CFAP20DC: variants seen among roughly 807,000 people sequenced by gnomAD.
CFAP20DC encodes the protein CFAP20 domain containing, also known as protein CFAP20DC.
In CFAP20DC, 84 loss-of-function variants were observed where a neutral mutation model predicts 101.7. That is an observed-to-expected ratio of 0.83 (90% CI 0.69 to 0.99). The LOEUF (loss-of-function observed/expected upper bound fraction) is 0.99. Among genes scored for constraint, CFAP20DC ranks in the 50% least tolerant of loss-of-function variants. The probability of loss-of-function intolerance (pLI) is 0.00; values close to 1 mark genes in which losing one functional copy is unlikely to be tolerated. For synonymous variants in CFAP20DC, 359 were observed against 351.2 expected (o/e 1.02, Z -0.25); for missense variants, 1,007 against 970.3 (o/e 1.04, Z -0.50).
At chr3:58,944,118 G>A (rs55791224) in intron 4 of CFAP20DC, among the ~76,000 whole-genome samples, 10,808 of 152,120 alleles carry the variant, frequency 0.071, 556 homozygotes, top group Non-Finnish European at 0.098. Context: ...TGAAAGTGAC[G>A]GGGAGAATGG....
intron 4 of CFAP20DC, among the ~76,000 whole-genome samples, chr3:59,026,777 A>G (rs933694851): frequency 3.9e-5 from 6 of 152,188 alleles, no homozygotes; most frequent in African/African-American, 1.4e-4. Context: ...AGACTCTGAA[A>G]CTTCTATTAG....
Position 58,893,043 on chromosome 3 carries a change from A to ATT in CFAP20DC, c.551-8336_551-8335dup, listed in dbSNP as rs1184405114. On this transcript the variant is annotated intron_variant, in intron 6 of 16. Transcript: ENST00000482387. ...TTATTGAGAGTTTTTAACATGAAGGATTTTTTTTTTTTTTTTTTGAGATGG... is the reference window on the plus strand; with the variant it reads ...TTATTGAGAGTTTTTAACATGAAGGATTTTTTTTTTTTTTTTTTTTGAGATGG... 7.7e-3 allele frequency among the ~76,000 whole-genome samples: 1,014 copies of ATT among 132,446 alleles called. 10 individuals carry two copies. The highest frequency in any genetic ancestry group is 0.013 in the Non-Finnish European group (789 of 61,126). The allele number at this position is 132,446 out of a possible 152,430, so 86.9% of individuals were successfully genotyped here.
At chr3:58,750,542 A>G (rs1166955670) in intron 16 of CFAP20DC, among the ~76,000 whole-genome samples, 1 of 152,218 alleles carries the variant, frequency 6.6e-6, no homozygotes, top group Non-Finnish European at 1.5e-5. Flanking sequence ...TTCCCTGTGA[A>G]TGAGCCCTCA....
chr3:58,769,676 G>T (rs1032402441), intron 15 of CFAP20DC, among the ~76,000 whole-genome samples: 3 of 152,094 alleles, frequency 2.0e-5, no homozygotes, highest in Non-Finnish European at 2.9e-5. Context: ...AATTACGCTT[G>T]CCAGACATGT....
In CFAP20DC at chr3:58,795,116, T is replaced by A. The variant is rs2073142587; in HGVS notation, c.2237+11279A>T. On this transcript the variant is annotated intron_variant, in intron 15 of 16. Transcript: ENST00000482387. This position sits in a 1 kb window ranked among gnomAD's most constrained non-coding sequence, Gnocchi z 4.2. ...TGGAGGTGATTGTTATAAACTAGAA[T>A]TAGTACTTCTATTTTTTTAAAGGTT... 6.6e-6 allele frequency among the ~76,000 whole-genome samples: 1 copy of A among 152,182 alleles called. No homozygotes were observed. Among genetic ancestry groups the A allele is most frequent in the Non-Finnish European group, 1.5e-5 (1 of 68,016 alleles).
intron 15 of CFAP20DC, among the ~76,000 whole-genome samples, chr3:58,790,839 T>C (rs1222197692): frequency 2.0e-5 from 3 of 152,082 alleles, no homozygotes; most frequent in Admixed American, 6.6e-5. Flanking sequence ...GGACCAGGAA[T>C]GGCAAAATGG....
chr3:58,807,757 A>C (rs901113594), intron 14 of CFAP20DC, among the ~76,000 whole-genome samples: 1 of 152,246 alleles, frequency 6.6e-6, no homozygotes, highest in African/African-American at 2.4e-5. Context: ...CAGATGATCA[A>C]ACTACTCCGA....
chr3:58,813,656 G>C (rs774873457), intron 14 of CFAP20DC, among the ~76,000 whole-genome samples: 2 of 151,904 alleles, frequency 1.3e-5, no homozygotes, highest in Non-Finnish European at 2.9e-5. Context: ...GAATTCTTCA[G>C]AGTAAACTGT....
At position 58,831,877 on chromosome 3, in the gene CFAP20DC, G is replaced by A. The variant is rs747427907; in HGVS notation, c.1984C>T (p.Arg662Ter). 1.3e-5 allele frequency: 21 copies of A among 1,613,664 alleles called. No homozygotes were observed. The highest frequency in any genetic ancestry group is 2.7e-5 in the African/African-American group (2 of 74,874). ...CTCATCTGGCTTGGCTGATAGTTTCGCCAGTCATATTCCTGACCAAGAGAG... is the reference window on the plus strand; with the variant it reads ...CTCATCTGGCTTGGCTGATAGTTTCACCAGTCATATTCCTGACCAAGAGAG... ...SIPEASEYDWRNYQPSQMSES... is the reference protein window; with the variant it reads ...SIPEASEYDW Residue 662 changes from arginine (R) to a stop codon, truncating the protein, a stop_gained, in exon 14 of 17, where the codon CGA (arginine) becomes TGA (stop). Coordinates refer to ENST00000482387, the MANE Select transcript of CFAP20DC (RefSeq NM_001394063.1). LOFTEE classifies it high-confidence loss of function.
intron 15 of CFAP20DC, among the ~76,000 whole-genome samples, chr3:58,772,414 C>T (rs1038246054): frequency 6.6e-6 from 1 of 152,018 alleles, no homozygotes; most frequent in Non-Finnish European, 1.5e-5. Context: ...TAATGATATA[C>T]TATTGATACA....
At chr3:59,033,714 C>G (rs1243145888) in intron 4 of CFAP20DC, among the ~76,000 whole-genome samples, 1 of 152,086 alleles carries the variant, frequency 6.6e-6, no homozygotes, top group African/African-American at 2.4e-5. Flanking sequence ...AATACCAAAC[C>G]TATGTTTGAT....
At chr3:58,960,330 T>C (rs1292973979) in intron 4 of CFAP20DC, among the ~76,000 whole-genome samples, 1 of 150,838 alleles carries the variant, frequency 6.6e-6, no homozygotes, top group Non-Finnish European at 1.5e-5. Flanking sequence ...CCATCTCTAC[T>C]GAAAATACAA....
intron 7 of CFAP20DC, among the ~76,000 whole-genome samples, chr3:58,872,468 T>C (rs944160056): frequency 6.6e-6 from 1 of 152,132 alleles, no homozygotes; most frequent in Non-Finnish European, 1.5e-5. Context: ...AGTGTGTGTA[T>C]GTATGGGTGT....
chr3:58,875,604 T>C (rs1489070784), intron 7 of CFAP20DC, among the ~76,000 whole-genome samples: 1 of 152,182 alleles, frequency 6.6e-6, no homozygotes, highest in Non-Finnish European at 1.5e-5. Flanking sequence ...AATTTCCTGA[T>C]GTTTTTTCAT....
chr3:58,960,290 C>T (rs1012262459), intron 4 of CFAP20DC, among the ~76,000 whole-genome samples: 22 of 150,888 alleles, frequency 1.5e-4, no homozygotes, highest in Admixed American at 4.6e-4. Context: ...GTCGGGAGTT[C>T]GGGACTAGCC....
intron 14 of CFAP20DC, among the ~76,000 whole-genome samples, chr3:58,831,335 T>C (rs906135627): frequency 6.6e-6 from 1 of 152,214 alleles, no homozygotes; most frequent in Non-Finnish European, 1.5e-5. Flanking sequence ...ATTTCATAAA[T>C]ACTTATTTAA....
At chr3:58,835,452 C>A (rs1251200811) in intron 13 of CFAP20DC, among the ~76,000 whole-genome samples, 4 of 152,152 alleles carry the variant, frequency 2.6e-5, no homozygotes. Flanking sequence ...GAATATGTGG[C>A]TGCGATATTC....
At chr3:58,737,524 A>C (rs1020087435), downstream of CFAP20DC, among the ~76,000 whole-genome samples, 1 of 152,158 alleles carries the variant, frequency 6.6e-6, no homozygotes, top group Admixed American at 6.5e-5. The surrounding 1 kb of genome is among the most constrained non-coding windows in gnomAD (Gnocchi z 4.1). Flanking sequence ...TCTGTAGACA[A>C]ATTGGAGAAG....
At chr3:58,746,771 T>A (rs1401672252) in intron 16 of CFAP20DC, among the ~76,000 whole-genome samples, 1 of 152,108 alleles carries the variant, frequency 6.6e-6, no homozygotes, top group Non-Finnish European at 1.5e-5. Context: ...CATACAAAAA[T>A]TGGGTGAGAT....
Sources: allele counts gnomAD v4.1 joint callset (sites outside exome capture counted in the v4.1 genomes callset), GRCh38; gene constraint gnomAD v4.1.1; non-coding constraint Gnocchi (gnomAD v3.1); transcripts MANE v1.5; gene names NCBI Gene and HGNC (gene_info 2026-07-23, HGNC 2026-07-21).